DHRS12: variants seen among roughly 807,000 people sequenced by gnomAD.
DHRS12 encodes the protein dehydrogenase/reductase 12, also known as dehydrogenase/reductase SDR family member 12.
Under a neutral mutation model 32.1 loss-of-function variants are expected in DHRS12, and 29 were observed. The ratio of observed to expected loss-of-function variants is 0.90; its 90% CI spans 0.67 to 1.23. The LOEUF (loss-of-function observed/expected upper bound fraction) is 1.23, where lower values mean the gene tolerates loss of function less well. DHRS12 is among the 50% of genes most tolerant of loss of function. The probability of loss-of-function intolerance (pLI) is 0.00; values close to 1 mark genes in which losing one functional copy is unlikely to be tolerated. For synonymous variants in DHRS12, 150 were observed against 135.9 expected (o/e 1.10, Z -0.72); for missense variants, 330 against 337.2 (o/e 0.98, Z 0.17).
At chr13:51,779,278 C>G (rs919420571) in intron 4 of DHRS12, among the ~76,000 whole-genome samples, 1 of 152,204 alleles carries the variant, frequency 6.6e-6, no homozygotes, top group Admixed American at 6.5e-5. Flanking sequence ...AAGCAAAAAA[C>G]TCCTCAGCCT....
the DHRS12 span, chr13:51,755,349 T>C: frequency 1.7e-5 from 27 of 1,614,074 alleles, no homozygotes; most frequent in South Asian, 2.7e-4. Context: ...CTGTGCTTTA[T>C]TTGACAAGAC....
chr13:51,766,532 G>C (rs538331211), downstream of DHRS12: 2 of 152,166 alleles, frequency 1.3e-5, no homozygotes, highest in African/African-American at 2.4e-5. Flanking sequence ...GGACCCCTCC[G>C]GCATTTGCCA....
At chr13:51,765,036 T>C (rs1378179445), downstream of DHRS12, 1 of 152,160 alleles carries the variant, frequency 6.6e-6, no homozygotes, top group African/African-American at 2.4e-5. Flanking sequence ...TCCAGTACAA[T>C]GTGGGAGGTC....
At chr13:51,783,680 C>T (rs117847203) in intron 4 of DHRS12, among the ~76,000 whole-genome samples, 5,481 of 152,258 alleles carry the variant, frequency 0.036, 149 homozygotes, top group Middle Eastern at 0.051. Context: ...CCTAATCCCG[C>T]CCCTGCAGCC....
chr13:51,802,415 G>C (rs1955803615), intron 1 of DHRS12, among the ~76,000 whole-genome samples: 1 of 152,200 alleles, frequency 6.6e-6, no homozygotes, highest in Non-Finnish European at 1.5e-5. Flanking sequence ...AAGCTGAGAG[G>C]ACATTTGTAC....
At chr13:51,791,057 C>A in intron 3 of DHRS12, 108 bp downstream of exon 3, 3 of 704,914 alleles carry the variant, frequency 4.3e-6, no homozygotes, top group Non-Finnish European at 6.7e-6. Context: ...GAGAGTCTTA[C>A]TAAGATTCTT....
chr13:51,782,725 T>A lies in DHRS12; in HGVS notation c.302-5604A>T, dbSNP rs1348785712. Among the ~76,000 whole-genome samples the A allele has an allele frequency of 1.3e-5, 2 of 152,114 alleles. No individual in the cohort carries two copies. The highest frequency in any genetic ancestry group is 4.8e-5 in the African/African-American group (2 of 41,418). On this transcript the variant is annotated intron_variant, in intron 4 of 8. Coordinates refer to ENST00000444610, the MANE Select transcript of DHRS12 (RefSeq NM_001377533.1). This position sits in a 1 kb window ranked among gnomAD's most constrained non-coding sequence, Gnocchi z 4.2. ...GTCCTGTGTGCTTCACTGAGATGTA[T>A]GAAAGAACCTGCTGTACTGCAGGGA...
At chr13:51,767,853 T>G (rs1221499959), downstream of DHRS12, 1 of 264,904 alleles carries the variant, frequency 3.8e-6, no homozygotes, top group Non-Finnish European at 5.6e-6. Context: ...GGAAGTGGAG[T>G]TCACAGGGGG....
chr13:51,768,419 A>G, intron 8 of DHRS12, 123 bp from the exon 9 acceptor site: 3 of 1,471,494 alleles, frequency 2.0e-6, no homozygotes, highest in Non-Finnish European at 2.7e-6. Context: ...CAGCTGTTAG[A>G]CCCCCATCCC....
intron 8 of DHRS12, chr13:51,768,650 C>T: frequency 8.8e-7 from 1 of 1,140,000 alleles, no homozygotes; most frequent in Non-Finnish European, 1.1e-6. Context: ...AGAAGCCAAG[C>T]AAAGAGCCTG....
At chr13:51,757,427 C>T in the DHRS12 span, among the ~76,000 whole-genome samples, 1 of 151,520 alleles carries the variant, frequency 6.6e-6, no homozygotes, top group Non-Finnish European at 1.5e-5. Flanking sequence ...TACTGAAGAT[C>T]TATCCTGCAG....
chr13:51,803,815 C>T, intron 1 of DHRS12: 1 of 346,720 alleles, frequency 2.9e-6, no homozygotes, highest in Non-Finnish European at 5.1e-6. Flanking sequence ...GGGCGCGCCA[C>T]AGCCCCGCCC....
intron 7 of DHRS12, chr13:51,770,970 C>T (rs1953982569): frequency 1.5e-6 from 2 of 1,341,560 alleles, no homozygotes; most frequent in Non-Finnish European, 1.9e-6. Context: ...AGGATGAATT[C>T]CAAGGCTTCT....
downstream of DHRS12, chr13:51,765,945 A>G (rs1284531351): frequency 6.6e-6 from 1 of 152,146 alleles, no homozygotes; most frequent in Non-Finnish European, 1.5e-5. Context: ...TAGATTGAGA[A>G]TCTGACCTTG....
At chr13:51,780,287 G>A (rs1954642677) in intron 4 of DHRS12, among the ~76,000 whole-genome samples, 1 of 152,174 alleles carries the variant, frequency 6.6e-6, no homozygotes, top group Non-Finnish European at 1.5e-5. Context: ...ATCTTCGTGT[G>A]AACCAGGTCA....
Position 51,768,293 on chromosome 13 carries a change from C to T in DHRS12, c.701G>A (p.Arg234Gln), listed in dbSNP as rs545421771. Residue 234 changes from arginine (R) to glutamine (Q), a missense_variant, in exon 9 of 9, where the codon CGG becomes CAG. Coordinates refer to ENST00000444610, the MANE Select transcript of DHRS12 (RefSeq NM_001377533.1). Reference protein sequence around the residue: ...AQPSGRFFQDRKPVSTHLPLA... With the variant: ...AQPSGRFFQDQKPVSTHLPLA... ...AGGCAAGTGTGTAGAAACTGGCTTC[C>T]GATCTAAAAGTGAGAGGGAACCGCA... 5.7e-5 allele frequency: 87 copies of T among 1,535,860 alleles called. No individual in the cohort carries two copies. In the African/African-American group the frequency reaches 1.1e-3, roughly 20 times the overall value.
At chr13:51,758,293 T>C in the DHRS12 span, 1 of 1,588,096 alleles carries the variant, frequency 6.3e-7, no homozygotes, top group South Asian at 1.1e-5. Flanking sequence ...ACTGACAAGG[T>C]TATTAAGGTA....
the DHRS12 span, chr13:51,762,534 G>T: frequency 6.6e-6 from 1 of 152,320 alleles, no homozygotes; most frequent in African/African-American, 2.4e-5. Flanking sequence ...GTAATACTGT[G>T]AATTCTTGCG....
At chr13:51,787,799 T>TATAAC (rs1201882248) in intron 4 of DHRS12, among the ~76,000 whole-genome samples, 2 of 97,810 alleles carry the variant, frequency 2.0e-5, no homozygotes, top group East Asian at 3.1e-4. Context: ...TATATTAATA[T>TATAAC]ATATTTATAT....
Sources: allele counts gnomAD v4.1 joint callset (sites outside exome capture counted in the v4.1 genomes callset), GRCh38; gene constraint gnomAD v4.1.1; non-coding constraint Gnocchi (gnomAD v3.1); transcripts MANE v1.5; gene names NCBI Gene and HGNC (gene_info 2026-07-23, HGNC 2026-07-21).